Variants in CCNC observed in about 807,000 individuals in gnomAD.
CCNC encodes the protein cyclin C.
In CCNC, 19 loss-of-function variants were observed where a neutral mutation model predicts 50.0. The ratio of observed to expected loss-of-function variants is 0.38; its 90% CI spans 0.27 to 0.56. The LOEUF (loss-of-function observed/expected upper bound fraction) is 0.56. CCNC is among the 20% of genes least tolerant of loss of function. CCNC has a pLI of 0.72. For missense variants in CCNC, 200 were observed against 327.1 expected (o/e 0.61, Z 3.00); for synonymous variants, 93 against 103.7 (o/e 0.90, Z 0.63).
chr6:99,565,536 T>C (rs1769087550), intron 1 of CCNC, among the ~76,000 whole-genome samples: 1 of 152,076 alleles, frequency 6.6e-6, no homozygotes, highest in Non-Finnish European at 1.5e-5. Flanking sequence ...ATTGATAATT[T>C]TGTCCCTGTT....
rs1802368738 is a variant in CCNC at position 99,553,047 on chromosome 6, A to T, written c.347-1152T>A. On this transcript the variant is annotated intron_variant, in intron 5 of 11. Transcript: ENST00000520429. ...ACAGTGAGACTCCATCTCAAAAAAA[A>T]AAAAAGAAAGAAATTCCATTTCTTC... is the stretch of plus-strand genomic sequence containing the variant. 2.0e-5 allele frequency among the ~76,000 whole-genome samples: 3 copies of T among 152,150 alleles called. No homozygotes were observed. The South Asian group carries it at 6.2e-4, about 32-fold the overall frequency.
chr6:99,560,102 A>G (rs1802714385), intron 4 of CCNC, among the ~76,000 whole-genome samples: 1 of 152,194 alleles, frequency 6.6e-6, no homozygotes, highest in Non-Finnish European at 1.5e-5. Flanking sequence ...AGTAAATCAC[A>G]TAACAATATT....
chr6:99,555,480 C>T (rs1187744721), intron 5 of CCNC, among the ~76,000 whole-genome samples: 2 of 151,778 alleles, frequency 1.3e-5, no homozygotes, highest in Non-Finnish European at 2.9e-5. Context: ...CTCCATTGCC[C>T]AGGCTGGAGT....
chr6:99,546,409 C>T lies in CCNC; in HGVS notation c.664G>A (p.Val222Met). The T allele has an allele frequency of 6.2e-7, 1 of 1,611,430 alleles. No homozygotes were observed. The highest frequency in any genetic ancestry group is 8.5e-7 in the Non-Finnish European group (1 of 1,177,626). Residue 222 changes from valine (V) to methionine (M), a missense_variant, in exon 10 of 12, where the codon GTG becomes ATG. Coordinates refer to ENST00000520429, the MANE Select transcript of CCNC (RefSeq NM_005190.4). The stretch of plus-strand genomic sequence containing the variant: ...TAAGGGAATACCTTTTCCATATCCA[C>T]AGAAAGCTCAGCAAACCATTGCCTG... ...DARQWFAELS[V>M]DMEKILEIIR...
intron 9 of CCNC, among the ~76,000 whole-genome samples, chr6:99,548,028 A>T (rs1802137748): frequency 6.6e-6 from 1 of 152,166 alleles, no homozygotes; most frequent in African/African-American, 2.4e-5. Context: ...CATTAAAAGG[A>T]GGAACATATT....
At chr6:99,565,409 A>C (rs2114422647) in intron 1 of CCNC, among the ~76,000 whole-genome samples, 1 of 152,112 alleles carries the variant, frequency 6.6e-6, no homozygotes, top group East Asian at 1.9e-4. Context: ...ATACTTCTCT[A>C]TCCATTTTTA....
intron 4 of CCNC, among the ~76,000 whole-genome samples, 175 bp downstream of exon 4, chr6:99,561,192 T>C (rs1427165490): frequency 6.6e-6 from 1 of 152,250 alleles, no homozygotes; most frequent in Admixed American, 6.5e-5. Context: ...AAGTGCTGTA[T>C]GTGTCTGTTA....
intron 4 of CCNC, 129 bp downstream of exon 4, chr6:99,561,237 AT>A: frequency 1.4e-6 from 1 of 703,580 alleles, no homozygotes; most frequent in Non-Finnish European, 2.6e-6. Context: ...TATTTCTTTG[AT>A]TTTGTACAAT....
At chr6:99,568,679 GC>G (rs34083897), upstream of CCNC, 2 of 1,498,214 alleles carry the variant, frequency 1.3e-6, no homozygotes, top group Non-Finnish European at 1.8e-6. Flanking sequence ...GAAGAGGATG[GC>G]CCCCTAGTCT....
rs1000523735 is a variant in CCNC, at chr6:99,559,660, A to T, written c.295-1112T>A. Among the ~76,000 whole-genome samples the T allele has an allele frequency of 1.8e-4, 22 of 125,676 alleles. 1 individual carries two copies. Among genetic ancestry groups the T allele is most frequent in the African/African-American group, 4.5e-4 (10 of 22,340 alleles). 82.4% of individuals were successfully genotyped at this position (125,676 alleles called of 152,430 possible). On this transcript the variant is annotated intron_variant, in intron 4 of 11. Coordinates refer to ENST00000520429, the MANE Select transcript of CCNC (RefSeq NM_005190.4). ...AGATTTGGTCACAGAGATAAAAAAA[A>T]AATAATAATAATGCTACGACCAAAT...
chr6:99,551,392 A>C (rs1331814472), intron 6 of CCNC, among the ~76,000 whole-genome samples: 1 of 152,156 alleles, frequency 6.6e-6, no homozygotes, highest in Non-Finnish European at 1.5e-5. Context: ...AAAAAATGTA[A>C]CTTAAAGAGA....
chr6:99,553,035 A>C (rs1397742160), intron 5 of CCNC, among the ~76,000 whole-genome samples: 3 of 93,494 alleles, frequency 3.2e-5, no homozygotes, highest in Non-Finnish European at 6.4e-5. Flanking sequence ...GTGAGACTCC[A>C]TCTCAAAAAA....
intron 5 of CCNC, among the ~76,000 whole-genome samples, chr6:99,556,439 C>A (rs1371227467): frequency 6.6e-6 from 1 of 152,166 alleles, no homozygotes; most frequent in Admixed American, 6.5e-5. Flanking sequence ...CTAATTCTAC[C>A]TGCCCTCTCC....
chr6:99,565,098 TAG>T (rs1484166759), intron 1 of CCNC, among the ~76,000 whole-genome samples: 1 of 152,134 alleles, frequency 6.6e-6, no homozygotes, highest in Non-Finnish European at 1.5e-5. Context: ...AAGTAATTAA[TAG>T]GTGATATGAA....
intron 2 of CCNC, 63 bp downstream of exon 2, chr6:99,562,779 A>G: frequency 1.1e-6 from 1 of 876,916 alleles, no homozygotes; most frequent in South Asian, 1.6e-5. Flanking sequence ...ATTACCACAC[A>G]AAAACATTTT....
intron 5 of CCNC, among the ~76,000 whole-genome samples, chr6:99,553,342 T>C (rs868326476): frequency 1.3e-5 from 2 of 152,286 alleles, no homozygotes; most frequent in Middle Eastern, 6.8e-3. Flanking sequence ...ATTATCTCTG[T>C]ATATAAAACA....
At chr6:99,557,561 C>T (rs149316431) in intron 5 of CCNC, 1 of 152,070 alleles carries the variant, frequency 6.6e-6, no homozygotes, top group East Asian at 1.9e-4. Context: ...AATCCCAGCA[C>T]GTTGGGAGGC....
Position 99,562,823 on chromosome 6 carries a change from A to C in CCNC, c.139+19T>G. 7.0e-7 allele frequency: 1 copy of C among 1,418,668 alleles called. No individual in the cohort carries two copies. The highest frequency in any genetic ancestry group is 9.8e-7 in the Non-Finnish European group (1 of 1,019,224). 87.9% of individuals were successfully genotyped at this position (1,418,668 alleles called of 1,614,324 possible). A position where few individuals can be genotyped will look rare whatever the true frequency, so the allele number is the denominator to read the frequency against. On this transcript the variant is annotated intron_variant, in intron 2 of 11. Transcript: ENST00000520429. ...GGTAACCAACTATACAATTTGAACC[A>C]ATTTTTAAAAAAGTTTACCATTTGT... is the stretch of plus-strand genomic sequence containing the variant.
intron 9 of CCNC, 21 bp from the exon 10 acceptor site, chr6:99,546,495 A>T (rs374164863): frequency 1.0e-5 from 15 of 1,507,124 alleles, no homozygotes; most frequent in Non-Finnish European, 1.1e-5. Context: ...AATGAGAGAC[A>T]ACTGTCCATG....
Sources: gnomAD v4.1 joint callset for allele counts (sites outside exome capture counted in the v4.1 genomes callset) on GRCh38, gnomAD v4.1.1 for gene constraint, MANE v1.5 for transcripts, NCBI Gene and HGNC (gene_info 2026-07-23, HGNC 2026-07-21) for gene names.